Variants in EXOC3L2 observed in about 807,000 individuals in gnomAD.
EXOC3L2 encodes the protein exocyst complex component 3 like 2.
EXOC3L2 carries 17 observed loss-of-function variants against 44.4 expected under a neutral mutation model. The ratio of observed to expected loss-of-function variants is 0.38; its 90% CI spans 0.26 to 0.57. EXOC3L2 has a LOEUF of 0.57. Ranked by LOEUF, EXOC3L2 falls within the 20% of genes least tolerant of loss-of-function variation. The pLI is 0.65. For synonymous variants in EXOC3L2, 256 were observed against 253.7 expected, an observed-to-expected ratio of 1.01 and a Z score of -0.09; for missense variants, 541 against 588.4, an observed-to-expected ratio of 0.92 and a Z score of 0.83.
Position 45,213,170 on chromosome 19 carries a change from A to C in EXOC3L2, c.2308T>G (p.Phe770Val). The C allele has an allele frequency of 1.3e-6, 2 of 1,599,590 alleles. No individual in the cohort carries two copies. Among genetic ancestry groups the C allele is most frequent in the Non-Finnish European group, 1.7e-6 (2 of 1,172,876 alleles). The change falls in exon 12 of 12, where the codon TTC (phenylalanine) becomes GTC (valine). Residue 770 changes from phenylalanine to valine, a missense_variant. Phe to Val is a conservative substitution (Grantham distance 50, BLOSUM62 -1). Transcript: ENST00000413988. ...RPSFCLSLPL[F>V]LGRLPLSRLA... ...CGGGAGAGGGGGAGGCGGCCCAGGAAGAGAGGGAGGCTGAGACAGAAAGAT... is the reference window on the plus strand; with the variant it reads ...CGGGAGAGGGGGAGGCGGCCCAGGACGAGAGGGAGGCTGAGACAGAAAGAT...
rs957385712 is a variant in EXOC3L2, at chr19:45,226,747, C to CTTTTTTTTTTTTTTTTTTT, written c.1583+896_1583+914dup. Among the ~76,000 whole-genome samples, 33 of 90,654 alleles carry CTTTTTTTTTTTTTTTTTTT rather than the reference C, an allele frequency of 3.6e-4. 6 individuals are homozygous for CTTTTTTTTTTTTTTTTTTT. The highest frequency in any genetic ancestry group is 1.7e-3 in the African/African-American group (28 of 16,270). 59.5% of individuals were successfully genotyped at this position (90,654 alleles called of 152,430 possible). On this transcript the variant is annotated intron_variant, in intron 7 of 11. Transcript: ENST00000413988. Reference sequence around the variant, plus strand: ...CACTGTGCCCAGCTGACTCCCATCTCTTTTTTTTTTTTTTTTTTTTTTTGA... The same window carrying CTTTTTTTTTTTTTTTTTTT: ...CACTGTGCCCAGCTGACTCCCATCTCTTTTTTTTTTTTTTTTTTTTTTTTTTTTTTTTTTTTTTTTTTGA...
intron 4 of EXOC3L2, 131 bp from the exon 5 acceptor site, chr19:45,228,397 C>CA: frequency 1.4e-6 from 1 of 740,010 alleles, no homozygotes; most frequent in East Asian, 2.7e-5. Flanking sequence ...ATGAGCTTGT[C>CA]AAGGTGATGC....
At chr19:45,239,219 T>C (rs1970110477) in intron 1 of EXOC3L2, among the ~76,000 whole-genome samples, 158 bp from the exon 2 acceptor site, 1 of 148,642 alleles carries the variant, frequency 6.7e-6, no homozygotes, top group South Asian at 2.2e-4. Context: ...ATGGGGACTT[T>C]TTTTTTTTTT....
Position 45,234,671 on chromosome 19 carries a change from C to A in EXOC3L2, c.679G>T (p.Val227Leu). ...TGCAGGGCCTCGTACAGCAGCGCCA[C>A]GTCCCGCGCCCGGCGGCCCCCGCCA... ...GAGGGRRARD[V>L]ALLYEALQRE... Residue 227 changes from valine (V) to leucine (L), a missense_variant, in exon 3 of 12, where the codon GTG becomes TTG. Val to Leu is a conservative substitution (Grantham distance 32). Coordinates refer to ENST00000413988, the MANE Select transcript of EXOC3L2 (RefSeq NM_001382422.1). This position sits in a 1 kb window ranked among gnomAD's most constrained non-coding sequence, Gnocchi z 5.0. 1 of 376,936 alleles carries A rather than the reference C, an allele frequency of 2.7e-6. No individual in the cohort carries two copies. The highest frequency in any genetic ancestry group is 4.7e-6 in the Non-Finnish European group (1 of 212,248). The allele number at this position is 376,936 out of a possible 1,614,324, so 23.3% of individuals were successfully genotyped here. A position where few individuals can be genotyped will look rare whatever the true frequency, so the allele number is the denominator to read the frequency against.
intron 2 of EXOC3L2, among the ~76,000 whole-genome samples, chr19:45,236,607 G>A (rs1312577210): frequency 6.6e-6 from 1 of 151,964 alleles, no homozygotes; most frequent in East Asian, 1.9e-4. Context: ...TCAGGATAGG[G>A]GTGAAGATAG....
Position 45,224,891 on chromosome 19 carries a change from G to A in EXOC3L2, c.1606C>T (p.Arg536Trp), listed in dbSNP as rs1200186955. 1.7e-5 allele frequency: 26 copies of A among 1,559,566 alleles called. No homozygotes were observed. Among genetic ancestry groups the A allele is most frequent in the Non-Finnish European group, 2.1e-5 (24 of 1,150,906 alleles). The change falls in exon 8 of 12, where the codon CGG (arginine) becomes TGG (tryptophan). Residue 536 changes from arginine to tryptophan, a missense_variant. Physicochemically the swap from Arg to Trp is moderately radical, Grantham distance 101. Transcript: ENST00000413988. The stretch of plus-strand genomic sequence containing the variant: ...GGCTCGCTTTCTGGGGGCCCCACCC[G>A]GGCCAGGCGCTCGGCCAGAGCTCTG... ...PLRALAERLA[R>W]VGPPESEPAR...
In EXOC3L2 at chr19:45,219,393, C is replaced by CAAAAAA. The variant is rs950797638; in HGVS notation, c.1720-1080_1720-1075dup. ...TGGGTAACAGAGGGAGGCCCCGTCT[C>CAAAAAA]AAAAAAAAAAAAAAAAAAAAAGAGA... On this transcript the variant is annotated intron_variant, in intron 8 of 11. Transcript: ENST00000413988. Among the ~76,000 whole-genome samples the CAAAAAA allele has an allele frequency of 4.2e-3, 215 of 51,524 alleles. 3 individuals are homozygous for CAAAAAA. The highest frequency in any genetic ancestry group is 5.6e-3 in the African/African-American group (78 of 13,894). 33.8% of individuals were successfully genotyped at this position (51,524 alleles called of 152,430 possible).
intron 1 of EXOC3L2, among the ~76,000 whole-genome samples, chr19:45,239,635 C>T (rs1257303312): frequency 6.6e-6 from 1 of 152,050 alleles, no homozygotes; most frequent in Non-Finnish European, 1.5e-5. Context: ...AGTCTCCTGC[C>T]TCAGCCTCCG....
intron 3 of EXOC3L2, among the ~76,000 whole-genome samples, chr19:45,232,226 C>T (rs889214284): frequency 6.6e-6 from 1 of 152,102 alleles, no homozygotes; most frequent in African/African-American, 2.4e-5. Flanking sequence ...TGGAGGCTTC[C>T]CCAGTCCAGC....
intron 1 of EXOC3L2, among the ~76,000 whole-genome samples, chr19:45,243,178 A>G (rs1970144000): frequency 6.6e-6 from 1 of 152,192 alleles, no homozygotes; most frequent in Admixed American, 6.6e-5. Context: ...GCTCCAGTTC[A>G]TTTAAGTGCT....
Position 45,213,235 on chromosome 19 carries a change from C to A in EXOC3L2, c.2243G>T (p.Arg748Leu). The A allele has an allele frequency of 1.2e-6, 2 of 1,612,824 alleles. No homozygotes were observed. The highest frequency in any genetic ancestry group is 1.7e-6 in the Non-Finnish European group (2 of 1,179,412). The part of the protein sequence containing the change: ...LSEEGALSPP[R>L]DRAFFADIPV... ...GATGTCTGCAAAGAAGGCACGGTCC[C>A]GAGGGGGTGACAGGGCTCCCTCCTC... Residue 748 changes from arginine to leucine, a missense_variant, in exon 12 of 12, where the codon CGG (arginine) becomes CTG (leucine). Arg to Leu is a moderately radical substitution (Grantham distance 102). Coordinates refer to ENST00000413988, the MANE Select transcript of EXOC3L2 (RefSeq NM_001382422.1).
At position 45,218,255 on chromosome 19, in the gene EXOC3L2, A is replaced by T; in HGVS notation, c.1784T>A (p.Val595Glu). The T allele has an allele frequency of 6.5e-7, 1 of 1,547,468 alleles. No homozygotes were observed. Among genetic ancestry groups the T allele is most frequent in the South Asian group, 1.1e-5 (1 of 88,972 alleles). ...CAGGGCCTGGGCACCCAGCGTGCCC[A>T]CGATGCCATCCAGGGCCTCCGGGCT... ...LSSPEALDGIVGTLGAQALAL... is the reference protein window; with the variant it reads ...LSSPEALDGIEGTLGAQALAL... The change falls in exon 9 of 12, where the codon GTG becomes GAG. Residue 595 changes from valine (V) to glutamate (E), a missense_variant. Transcript: ENST00000413988.
At chr19:45,233,457 A>G (rs1177531878) in intron 3 of EXOC3L2, among the ~76,000 whole-genome samples, 2 of 152,150 alleles carry the variant, frequency 1.3e-5, no homozygotes, top group African/African-American at 4.8e-5. Context: ...TCATTGTATT[A>G]AGGTGAAGGG....
chr19:45,239,672 C>G (rs1342686409), intron 1 of EXOC3L2, among the ~76,000 whole-genome samples: 2 of 152,090 alleles, frequency 1.3e-5, no homozygotes, highest in East Asian at 3.9e-4. Context: ...AGGCGCGCGC[C>G]ACCACACAAG....
chr19:45,213,727 C>A (rs1969803735), intron 11 of EXOC3L2, among the ~76,000 whole-genome samples: 1 of 151,840 alleles, frequency 6.6e-6, no homozygotes, highest in African/African-American at 2.4e-5. Context: ...GGCGGATCAC[C>A]TGAGGTCAGG....
At chr19:45,235,410 A>G (rs1222990561) in intron 2 of EXOC3L2, among the ~76,000 whole-genome samples, 1 of 151,928 alleles carries the variant, frequency 6.6e-6, no homozygotes, top group Non-Finnish European at 1.5e-5. Flanking sequence ...GGAGGAGGCG[A>G]GAAGGTTGAG....
At chr19:45,232,003 C>G (rs2122982233) in intron 3 of EXOC3L2, 129 bp from the exon 4 acceptor site, 1 of 489,166 alleles carries the variant, frequency 2.0e-6, no homozygotes, top group South Asian at 4.6e-5. Context: ...TAAGTCATCT[C>G]TGCTCATCCC....
intron 7 of EXOC3L2, among the ~76,000 whole-genome samples, chr19:45,226,974 C>T (rs1469410674): frequency 7.2e-6 from 1 of 139,180 alleles, no homozygotes; most frequent in Non-Finnish European, 1.5e-5. Context: ...AGGATGGTCT[C>T]GATCTCCTGA....
Position 45,234,302 on chromosome 19 carries a change from G to A in EXOC3L2, c.1048C>T (p.Arg350Cys). The change falls in exon 3 of 12, where the codon CGC (arginine) becomes TGC (cysteine). Residue 350 changes from arginine (R) to cysteine (C), a missense_variant. Physicochemically the swap from Arg to Cys is radical, Grantham distance 180 (BLOSUM62 -3). Coordinates refer to ENST00000413988, the MANE Select transcript of EXOC3L2 (RefSeq NM_001382422.1). The surrounding 1 kb of genome is among the most constrained non-coding windows in gnomAD (Gnocchi z 5.0). Reference sequence around the variant, plus strand: ...TCGGCCAGGGCCCCGTGGTAGCCGCGCAGGTAGACGCCGAAGGCGCCCAGG... The same window carrying A: ...TCGGCCAGGGCCCCGTGGTAGCCGCACAGGTAGACGCCGAAGGCGCCCAGG... ...AGLGAFGVYL[R>C]GYHGALAEWL... The A allele has an allele frequency of 5.1e-6, 2 of 389,094 alleles. No homozygotes were observed. The highest frequency in any genetic ancestry group is 6.5e-4 in the Middle Eastern group (1 of 1,534). 24.1% of individuals were successfully genotyped at this position (389,094 alleles called of 1,614,324 possible). A position where few individuals can be genotyped will look rare whatever the true frequency, so the allele number is the denominator to read the frequency against.
Sources: gnomAD v4.1 joint callset for allele counts (sites outside exome capture counted in the v4.1 genomes callset) on GRCh38, gnomAD v4.1.1 for gene constraint, Gnocchi (gnomAD v3.1) non-coding constraint, MANE v1.5 for transcripts, NCBI Gene and HGNC (gene_info 2026-07-23, HGNC 2026-07-21) for gene names.